CDH2: variants seen among roughly 807,000 people sequenced by gnomAD.
CDH2 encodes the protein cadherin-2.
A neutral mutation model predicts 92.0 loss-of-function variants in CDH2; 17 were observed. The ratio of observed to expected loss-of-function variants is 0.18; its 90% confidence interval spans 0.13 to 0.28. The LOEUF is 0.28. Among genes scored for constraint, CDH2 ranks in the 10% least tolerant of loss-of-function variants. CDH2 has a pLI of 1.00. For missense variants in CDH2, 862 were observed against 1,133.1 expected (o/e 0.76, Z 3.44); for synonymous variants, 419 against 415.9 (o/e 1.01, Z -0.09).
chr18:28,108,166 G>C (rs1356400908), intron 2 of CDH2, among the ~76,000 whole-genome samples: 2 of 152,058 alleles, frequency 1.3e-5, no homozygotes, highest in Admixed American at 1.3e-4. Flanking sequence ...TTAACAGATA[G>C]GTGTTGAGAG....
chr18:28,038,912 CACA>C (rs1241827796), intron 2 of CDH2, among the ~76,000 whole-genome samples: 5 of 152,128 alleles, frequency 3.3e-5, no homozygotes, highest in African/African-American at 7.2e-5. Context: ...TTACTGTCAT[CACA>C]ACAACATTTG....
intron 2 of CDH2, among the ~76,000 whole-genome samples, chr18:28,113,031 T>C (rs954260054): frequency 6.6e-6 from 1 of 152,290 alleles, no homozygotes; most frequent in Admixed American, 6.5e-5. Flanking sequence ...GTGTGGACTA[T>C]GATGATAATA....
Position 27,963,040 on chromosome 18 carries a change from ATTG to A in CDH2, c.2514+314_2514+316del, listed in dbSNP as rs554032589. On this transcript the variant is annotated intron_variant, in intron 15 of 15. Transcript: ENST00000269141. ...AAATGAAATTAGAATGCACTATAATATTGTTAGTCTATTTATTACTTGTAATCT... is the reference window on the plus strand; with the variant it reads ...AAATGAAATTAGAATGCACTATAATATTAGTCTATTTATTACTTGTAATCT... Among the ~76,000 whole-genome samples, 22 of 152,306 alleles carry A rather than the reference ATTG, an allele frequency of 1.4e-4. No homozygotes were observed. The East Asian group carries it at 3.1e-3, about 21-fold the overall frequency.
chr18:28,166,170 A>ATATATG (rs1020592723), intron 1 of CDH2, among the ~76,000 whole-genome samples: 1 of 136,090 alleles, frequency 7.3e-6, no homozygotes, highest in African/African-American at 2.9e-5. Flanking sequence ...ATATATATAT[A>ATATATG]TATGTCTGTA....
chr18:27,949,595 A>G (rs1274117529), downstream of CDH2, among the ~76,000 whole-genome samples: 1 of 152,026 alleles, frequency 6.6e-6, no homozygotes, highest in Non-Finnish European at 1.5e-5. Flanking sequence ...AACTTACAGA[A>G]TAATACATAA....
intron 6 of CDH2, among the ~76,000 whole-genome samples, chr18:27,939,467 T>C (rs1263442926): frequency 6.6e-6 from 1 of 152,162 alleles, no homozygotes; most frequent in Non-Finnish European, 1.5e-5. Context: ...GGGGGTGGTT[T>C]TTATCCAGCA....
downstream of CDH2, among the ~76,000 whole-genome samples, chr18:27,947,899 A>G (rs1010532046): frequency 7.4e-4 from 105 of 141,728 alleles, no homozygotes; most frequent in East Asian, 2.1e-3. Context: ...TTTAACAAGT[A>G]GTGTTTGGAA....
intron 1 of CDH2, among the ~76,000 whole-genome samples, chr18:28,157,780 G>GA (rs1250818762): frequency 1.3e-5 from 2 of 151,750 alleles, no homozygotes; most frequent in East Asian, 3.9e-4. Context: ...GTTCACTATG[G>GA]AAAAAATTAG....
chr18:28,099,914 T>C (rs1327266875), intron 2 of CDH2, among the ~76,000 whole-genome samples: 1 of 152,176 alleles, frequency 6.6e-6, no homozygotes, highest in African/African-American at 2.4e-5. Context: ...CAAACATCTG[T>C]GAAGTTATAC....
intron 2 of CDH2, among the ~76,000 whole-genome samples, chr18:28,079,113 T>G (rs1411762336): frequency 1.3e-5 from 2 of 152,182 alleles, no homozygotes; most frequent in African/African-American, 4.8e-5. Flanking sequence ...TCGTCTAACA[T>G]TTAGCCATCT....
At chr18:28,132,733 T>C (rs2144297139) in intron 2 of CDH2, among the ~76,000 whole-genome samples, 1 of 152,292 alleles carries the variant, frequency 6.6e-6, no homozygotes, top group Middle Eastern at 3.4e-3. Flanking sequence ...GAGGCCACCA[T>C]AGTGTCCCCT....
chr18:28,000,911 A>T (rs539050820), intron 7 of CDH2, among the ~76,000 whole-genome samples: 4 of 152,164 alleles, frequency 2.6e-5, no homozygotes, highest in Non-Finnish European at 5.9e-5. Context: ...AAAGAATTTC[A>T]AGTCTGCACG....
intron 2 of CDH2, among the ~76,000 whole-genome samples, chr18:28,020,967 T>G (rs2144056618): frequency 1.3e-5 from 2 of 152,074 alleles, no homozygotes; most frequent in African/African-American, 2.4e-5. Flanking sequence ...TAAAGTTTAT[T>G]AAGTTGAAAA....
At chr18:28,176,602 G>A (rs544528508) in intron 1 of CDH2, among the ~76,000 whole-genome samples, 16 of 152,188 alleles carry the variant, frequency 1.1e-4, no homozygotes, top group African/African-American at 3.4e-4. Context: ...CTATGCGAGG[G>A]GCGAAAGGCA....
At chr18:27,942,968 T>G (rs931645384) in intron 6 of CDH2, among the ~76,000 whole-genome samples, 1 of 152,118 alleles carries the variant, frequency 6.6e-6, no homozygotes. Flanking sequence ...TTCTAAAAGT[T>G]TCCTCTTGTC....
intron 14 of CDH2, among the ~76,000 whole-genome samples, chr18:27,970,639 C>T (rs919365232): frequency 1.3e-5 from 2 of 152,182 alleles, no homozygotes; most frequent in Admixed American, 6.5e-5. Flanking sequence ...GAGCAGATTA[C>T]ATAAACTTCC....
chr18:27,990,062 T>C (rs368433577), intron 10 of CDH2, 35 bp downstream of exon 10: 1 of 1,596,594 alleles, frequency 6.3e-7, no homozygotes, highest in South Asian at 1.1e-5. Context: ...AGAACATAAG[T>C]AAGCTACAAA....
chr18:27,954,225 T>C (rs1859687997), intron 15 of CDH2, among the ~76,000 whole-genome samples: 2 of 152,248 alleles, frequency 1.3e-5, no homozygotes. Context: ...GCAATTCTGC[T>C]AAGACTGAGA....
chr18:28,017,757 A>G (rs548215442), intron 2 of CDH2, among the ~76,000 whole-genome samples: 1 of 152,088 alleles, frequency 6.6e-6, no homozygotes, highest in African/African-American at 2.4e-5. Context: ...CATAGAAGGG[A>G]CATACCTTAA....
Sources: allele counts gnomAD v4.1 joint callset (sites outside exome capture counted in the v4.1 genomes callset), GRCh38; gene constraint gnomAD v4.1.1; transcripts MANE v1.5; gene names NCBI Gene and HGNC (gene_info 2026-07-23, HGNC 2026-07-21).